HTR2C: variants seen among roughly 807,000 people sequenced by gnomAD.
HTR2C encodes the protein 5-hydroxytryptamine (serotonin) receptor 2C, G protein-coupled.
A neutral mutation model predicts 21.0 loss-of-function variants in HTR2C; 5 were observed. The ratio of observed to expected loss-of-function variants is 0.24; its 90% CI spans 0.12 to 0.50. HTR2C has a LOEUF of 0.50. Among genes scored for constraint, HTR2C ranks in the 20% least tolerant of loss-of-function variants. HTR2C has a pLI of 0.98. For missense variants in HTR2C, 271 were observed against 371.2 expected (o/e 0.73, Z 2.22); for synonymous variants, 150 against 145.3 (o/e 1.03, Z -0.23).
chrX:114,811,938 T>A (rs1483350377), intron 4 of HTR2C, among the ~76,000 whole-genome samples: 6 of 112,208 alleles, frequency 5.3e-5, no homozygotes, highest in Middle Eastern at 4.6e-3. Context: ...TGAGATTTTT[T>A]AAAATTTTTA....
At chrX:114,586,089 G>C (rs1361865209) in intron 1 of HTR2C, among the ~76,000 whole-genome samples, 1 of 111,820 alleles carries the variant, frequency 8.9e-6, no homozygotes, top group African/African-American at 3.3e-5. Context: ...CAAAATATGA[G>C]TGCAATAGAA....
At chrX:114,642,073 T>A (rs1430794431) in intron 2 of HTR2C, among the ~76,000 whole-genome samples, 1 of 112,177 alleles carries the variant, frequency 8.9e-6, no homozygotes, top group African/African-American at 3.2e-5. Flanking sequence ...AAGAACATGA[T>A]CTTGTTCCTT....
chrX:114,789,989 T>C (rs2070215974), intron 4 of HTR2C, among the ~76,000 whole-genome samples: 1 of 112,469 alleles, frequency 8.9e-6, no homozygotes, highest in Non-Finnish European at 1.9e-5. Flanking sequence ...GTGCAGGTAC[T>C]TAAAGTGTCT....
At chrX:114,803,114 C>G (rs1159669897) in intron 4 of HTR2C, among the ~76,000 whole-genome samples, 1 of 94,372 alleles carries the variant, frequency 1.1e-5, no homozygotes, top group African/African-American at 3.8e-5. Flanking sequence ...GCCACATTTT[C>G]TTAATCCAGT....
At chrX:114,898,636 T>C (rs1257854089) in intron 5 of HTR2C, among the ~76,000 whole-genome samples, 1 of 112,070 alleles carries the variant, frequency 8.9e-6, no homozygotes, top group Non-Finnish European at 1.9e-5. Context: ...CCAAGCACAA[T>C]TTATTAAATA....
chrX:114,600,077 A>G (rs1474195159), intron 1 of HTR2C, among the ~76,000 whole-genome samples: 1 of 111,994 alleles, frequency 8.9e-6, no homozygotes, highest in Non-Finnish European at 1.9e-5. Flanking sequence ...AGCCCTAACC[A>G]TATCCTACTC....
At chrX:114,897,598 G>A (rs1232489276) in intron 5 of HTR2C, among the ~76,000 whole-genome samples, 2 of 111,210 alleles carry the variant, frequency 1.8e-5, no homozygotes, top group Non-Finnish European at 1.9e-5. Context: ...ATTGTTCCTC[G>A]CTATGTGTCC....
At chrX:114,766,198 A>AT (rs2069946577) in intron 4 of HTR2C, among the ~76,000 whole-genome samples, 1 of 111,646 alleles carries the variant, frequency 9.0e-6, no homozygotes, top group African/African-American at 3.2e-5. Flanking sequence ...ATACCTAGTT[A>AT]TGCCACTTTG....
intron 2 of HTR2C, among the ~76,000 whole-genome samples, chrX:114,685,643 G>C (rs782784611): frequency 1.8e-5 from 2 of 111,918 alleles, no homozygotes; most frequent in African/African-American, 6.5e-5. Flanking sequence ...ATGTCTGCCA[G>C]GTGCCATACG....
chrX:114,595,252 CTG>C (rs1927785037), intron 1 of HTR2C, among the ~76,000 whole-genome samples: 1 of 111,181 alleles, frequency 9.0e-6, no homozygotes. Flanking sequence ...GGGTCTCACT[CTG>C]TCACTCAGGC....
intron 4 of HTR2C, among the ~76,000 whole-genome samples, chrX:114,763,805 C>T (rs1434446606): frequency 1.8e-5 from 2 of 110,747 alleles, no homozygotes; most frequent in Non-Finnish European, 3.8e-5. Context: ...AATTCCCAGG[C>T]CCACATATCT....
intron 4 of HTR2C, chrX:114,775,849 A>G (rs189517250): frequency 7.8e-5 from 30 of 386,640 alleles, no homozygotes; most frequent in African/African-American, 4.8e-4. Flanking sequence ...CAAGGGTGCC[A>G]TGGAACAGGT....
intron 2 of HTR2C, among the ~76,000 whole-genome samples, chrX:114,700,720 T>G (rs1932439705): frequency 8.9e-6 from 1 of 112,162 alleles, no homozygotes; most frequent in Non-Finnish European, 1.9e-5. Flanking sequence ...GGACAGTGGG[T>G]GCAGCGCACT....
At chrX:114,803,947 A>G (rs781990602) in intron 4 of HTR2C, among the ~76,000 whole-genome samples, 1 of 111,990 alleles carries the variant, frequency 8.9e-6, no homozygotes, top group East Asian at 2.8e-4. Flanking sequence ...CTTTTCAAAT[A>G]TTTAAAGGAA....
Position 114,853,943 on chromosome X carries a change from A to T in HTR2C, c.550+5740A>T, listed in dbSNP as rs946044948. Among the ~76,000 whole-genome samples, 7 of 111,966 alleles carry T rather than the reference A, an allele frequency of 6.3e-5. No individual in the cohort carries two copies. In the East Asian group the frequency reaches 2.0e-3, roughly 31 times the overall value. On this transcript the variant is annotated intron_variant, in intron 5 of 5. Coordinates refer to ENST00000276198, the MANE Select transcript of HTR2C (RefSeq NM_000868.4). ...AAGAAAAAATGAACAACTGAATTTT[A>T]AAAATGCTTTCTCTAATCTGTATAC... is the stretch of plus-strand genomic sequence containing the variant.
chrX:114,676,848 G>A (rs973617481), intron 2 of HTR2C, among the ~76,000 whole-genome samples: 77 of 111,908 alleles, frequency 6.9e-4, no homozygotes, highest in African/African-American at 2.3e-3. Context: ...AAAACTATTC[G>A]GATAACAGGT....
At chrX:114,765,633 T>C (rs1051262881) in intron 4 of HTR2C, among the ~76,000 whole-genome samples, 7 of 111,429 alleles carry the variant, frequency 6.3e-5, no homozygotes, top group African/African-American at 2.3e-4. Context: ...ATATTGATTC[T>C]TGCTTGATGT....
intron 2 of HTR2C, among the ~76,000 whole-genome samples, chrX:114,686,847 A>G (rs186982712): frequency 1.3e-3 from 143 of 111,468 alleles, no homozygotes; most frequent in African/African-American, 4.6e-3. Flanking sequence ...AACGTTTCAG[A>G]TAAGAACAAA....
At position 114,631,800 on chromosome X, in the gene HTR2C, G is replaced by T. The variant is rs144420404; in HGVS notation, c.-80+17919G>T. Among the ~76,000 whole-genome samples, 313 of 110,346 alleles carry T rather than the reference G, an allele frequency of 2.8e-3. 1 individual carries two copies. The highest frequency in any genetic ancestry group is 4.7e-3 in the Non-Finnish European group (249 of 52,769). ...GAACTACATTCAAGGCTCATTCCTGGCCCCCTTTTTGTCCATCATGACACC... is the reference window on the plus strand; with the variant it reads ...GAACTACATTCAAGGCTCATTCCTGTCCCCCTTTTTGTCCATCATGACACC... On this transcript the variant is annotated intron_variant, in intron 2 of 5. Coordinates refer to ENST00000276198, the MANE Select transcript of HTR2C (RefSeq NM_000868.4).
Sources: allele counts gnomAD v4.1 joint callset (sites outside exome capture counted in the v4.1 genomes callset), GRCh38; gene constraint gnomAD v4.1.1; transcripts MANE v1.5; gene names NCBI Gene and HGNC (gene_info 2026-07-23, HGNC 2026-07-21).